Variants in MYO7A observed in about 807,000 individuals in gnomAD.
The protein encoded by MYO7A is unconventional myosin-VIIa.
Under a neutral mutation model 263.8 loss-of-function variants are expected in MYO7A, and 210 were observed. The observed-to-expected ratio is 0.80, with a 90% CI of 0.71 to 0.89. The LOEUF is 0.89. Among genes scored for constraint, MYO7A ranks in the 40% least tolerant of loss-of-function variants. The pLI is 0.00. For missense variants in MYO7A, 2,820 were observed against 2,968.3 expected, an observed-to-expected ratio of 0.95 and a Z score of 1.16; for synonymous variants, 1,239 against 1,197.3, an observed-to-expected ratio of 1.03 and a Z score of -0.72.
At chr11:77,179,538 G>A (rs1478799897) in intron 20 of MYO7A, among the ~76,000 whole-genome samples, 197 bp from the exon 21 acceptor site, 1 of 152,190 alleles carries the variant, frequency 6.6e-6, no homozygotes, top group African/African-American at 2.4e-5. Context: ...GGAGAGTCAA[G>A]GTCACCTAAA....
chr11:77,153,747 C>G (rs1555059013), intron 4 of MYO7A, among the ~76,000 whole-genome samples: 1 of 152,202 alleles, frequency 6.6e-6, no homozygotes. Flanking sequence ...ATGTCACGCC[C>G]TTTCACGCCT....
rs956070688 is a variant in MYO7A at position 77,205,425 on chromosome 11, C to T, written c.5481-37C>T. On this transcript the variant is annotated intron_variant, in intron 39 of 48. Coordinates refer to ENST00000409709, the MANE Select transcript of MYO7A (RefSeq NM_000260.4). ...GCACAGGTCCTGTGACTCCCGATGG[C>T]AGCTGCCCCTGCTGGAGCCCACGCC... is the stretch of plus-strand genomic sequence containing the variant. 1.7e-5 allele frequency: 26 copies of T among 1,544,122 alleles called. 1 individual carries two copies. The highest frequency in any genetic ancestry group is 2.1e-5 in the Non-Finnish European group (24 of 1,143,856).
At chr11:77,184,803 A>T in intron 27 of MYO7A, 88 bp downstream of exon 27, 3 of 1,557,916 alleles carry the variant, frequency 1.9e-6, no homozygotes, top group Non-Finnish European at 2.6e-6. Flanking sequence ...AGATTAAGCC[A>T]AGCAGGCCTG....
chr11:77,208,738 A>C lies in MYO7A; in HGVS notation c.5986A>C (p.Lys1996Gln). The C allele has an allele frequency of 6.3e-7, 1 of 1,588,042 alleles. No individual in the cohort carries two copies. The highest frequency in any genetic ancestry group is 8.6e-7 in the Non-Finnish European group (1 of 1,167,040). ...SLTYQVFFMK[K>Q]LWTTTVPGKD... The stretch of plus-strand genomic sequence containing the variant: ...CACCTACCAGGTGTTCTTCATGAAG[A>C]AGCTGTGGACCACCACGGTGCCAGG... The change falls in exon 44 of 49, where the codon AAG becomes CAG. Residue 1996 changes from lysine (K) to glutamine (Q), a missense_variant. By Grantham distance (53) the Lys-to-Gln change is moderately conservative. Transcript: ENST00000409709.
chr11:77,172,094 G>A (rs1555076380), intron 15 of MYO7A, among the ~76,000 whole-genome samples: 1 of 152,192 alleles, frequency 6.6e-6, no homozygotes, highest in Admixed American at 6.5e-5. Flanking sequence ...AGAGGTCACC[G>A]GCAGCTCCCG....
chr11:77,204,300 A>T, intron 39 of MYO7A, 71 bp downstream of exon 39: 1 of 1,526,182 alleles, frequency 6.6e-7, no homozygotes, highest in Non-Finnish European at 8.9e-7. Flanking sequence ...TACCCTCCTG[A>T]GGCAGCTGCT....
chr11:77,173,889 G>T (rs1400513826), intron 16 of MYO7A, among the ~76,000 whole-genome samples: 2 of 152,048 alleles, frequency 1.3e-5, no homozygotes, highest in African/African-American at 2.4e-5. Context: ...GGGTGCAGGG[G>T]ACTGACACCA....
intron 15 of MYO7A, 103 bp from the exon 16 acceptor site, chr11:77,172,645 C>G: frequency 1.4e-6 from 2 of 1,465,962 alleles, no homozygotes; most frequent in Non-Finnish European, 9.2e-7. Context: ...GTCCCTCAAA[C>G]CCTGACCCCG....
At chr11:77,195,038 G>A (rs1038835684) in intron 32 of MYO7A, among the ~76,000 whole-genome samples, 7 of 152,220 alleles carry the variant, frequency 4.6e-5, no homozygotes, top group African/African-American at 1.7e-4. Context: ...GGGAGCACTG[G>A]CTGCTGGTAG....
At position 77,157,328 on chromosome 11, in the gene MYO7A, T is replaced by A. The variant is rs1952576456; in HGVS notation, c.785T>A (p.Met262Lys). 7 of 1,612,584 alleles carry A rather than the reference T, an allele frequency of 4.3e-6. No homozygotes were observed. The highest frequency in any genetic ancestry group is 5.9e-6 in the Non-Finnish European group (7 of 1,179,364). ...GTGTTCTACTGCATGCTGGAGGGTA[T>A]GAGTGAGGATCAGAAGAAGAAGCTG... ...YHVFYCMLEG[M>K]SEDQKKKLGL... is the part of the protein sequence containing the mutation. The change falls in exon 8 of 49, where the codon ATG (methionine) becomes AAG (lysine). Residue 262 changes from methionine to lysine, a missense_variant. Coordinates refer to ENST00000409709, the MANE Select transcript of MYO7A (RefSeq NM_000260.4).
In MYO7A at chr11:77,189,347, C is replaced by T. The variant is rs782788403; in HGVS notation, c.3507C>T (p.Asp1169=). ...CCTTGCCCTGCTGCCTGCCCAGGGA[C>T]GAGATCTACTGCCAGATCAGCAAGC... ...GNGILRPALR[D]EIYCQISKQL... The change falls in exon 28 of 49, where the codon GAC becomes GAT. Residue 1169 remains aspartate, a synonymous_variant. Coordinates refer to ENST00000409709, the MANE Select transcript of MYO7A (RefSeq NM_000260.4). 69 of 1,613,190 alleles carry T rather than the reference C, an allele frequency of 4.3e-5. No homozygotes were observed. The highest frequency in any genetic ancestry group is 1.3e-4 in the Admixed American group (8 of 59,998).
At chr11:77,150,031 G>C (rs1555056364) in intron 4 of MYO7A, among the ~76,000 whole-genome samples, 2 of 152,176 alleles carry the variant, frequency 1.3e-5, no homozygotes, top group Admixed American at 1.3e-4. Context: ...CACTCACCCA[G>C]GCCTGGGCAG....
intron 1 of MYO7A, 137 bp downstream of exon 1, chr11:77,128,626 C>G (rs1331733665): frequency 2.0e-5 from 3 of 152,584 alleles, no homozygotes; most frequent in African/African-American, 7.2e-5. Flanking sequence ...CCCTTGAGGG[C>G]TCAGCCACCA....
intron 31 of MYO7A, chr11:77,193,956 ACCCTAGGTGTCT>A (rs1057465461): frequency 2.2e-6 from 1 of 462,682 alleles, no homozygotes. Flanking sequence ...CTGCCAGCAG[ACCCTAGGTGTCT>A]CCCATTCTCC....
chr11:77,182,262 G>GCCAGGGA (rs1955297389), intron 24 of MYO7A, 108 bp downstream of exon 24: 3 of 1,455,404 alleles, frequency 2.1e-6, no homozygotes, highest in Non-Finnish European at 2.8e-6. Context: ...GTCCCTGGGG[G>GCCAGGGA]CCAGGGACCA....
At chr11:77,212,122 G>T in intron 46 of MYO7A, 185 bp downstream of exon 46, 1 of 692,160 alleles carries the variant, frequency 1.4e-6, no homozygotes, top group South Asian at 1.5e-5. Context: ...CCTGGGGACA[G>T]AGGGACCAGA....
At chr11:77,173,161 T>C (rs1954289882) in intron 16 of MYO7A, among the ~76,000 whole-genome samples, 1 of 152,236 alleles carries the variant, frequency 6.6e-6, no homozygotes, top group Non-Finnish European at 1.5e-5. Flanking sequence ...TCTTCTCTTA[T>C]GCCTCAGTTT....
At chr11:77,208,663 G>A (rs751747103) in intron 43 of MYO7A, 34 bp from the exon 44 acceptor site, 1 of 1,531,598 alleles carries the variant, frequency 6.5e-7, no homozygotes, top group African/African-American at 1.4e-5. Context: ...TCTGTGCAGG[G>A]ACCCTCTGGG....
chr11:77,172,140 A>G (rs1288180206), intron 15 of MYO7A, among the ~76,000 whole-genome samples: 2 of 152,204 alleles, frequency 1.3e-5, no homozygotes, highest in East Asian at 1.9e-4. Context: ...GGTTTCCAGA[A>G]GGCGGCACCA....
Sources: allele counts gnomAD v4.1 joint callset (sites outside exome capture counted in the v4.1 genomes callset), GRCh38; gene constraint gnomAD v4.1.1; transcripts MANE v1.5; gene names NCBI Gene and HGNC (gene_info 2026-07-23, HGNC 2026-07-21).